Variants in RAPGEF5 observed in about 807,000 individuals in gnomAD.
The protein encoded by RAPGEF5 is M-Ras-regulated GEF.
RAPGEF5 carries 65 observed loss-of-function variants against 125.2 expected under a neutral mutation model. The ratio of observed to expected loss-of-function variants is 0.52; its 90% confidence interval spans 0.43 to 0.64. The LOEUF is 0.64. Among genes scored for constraint, RAPGEF5 ranks in the 30% least tolerant of loss-of-function variants. The probability of loss-of-function intolerance (pLI) is 0.00; values close to 1 mark genes in which losing one functional copy is unlikely to be tolerated. For synonymous variants in RAPGEF5, 391 were observed against 385.9 expected, an observed-to-expected ratio of 1.01 and a Z score of -0.16; for missense variants, 958 against 1,048.1, an observed-to-expected ratio of 0.91 and a Z score of 1.19.
chr7:22,314,707 T>C (rs1783551831), intron 3 of RAPGEF5: 5 of 812,016 alleles, frequency 6.2e-6, no homozygotes, highest in Non-Finnish European at 7.4e-6. Flanking sequence ...TTGGTATCAT[T>C]TGGTGTGGCT....
chr7:22,195,863 C>A (rs1311998742), intron 9 of RAPGEF5, among the ~76,000 whole-genome samples: 1 of 152,212 alleles, frequency 6.6e-6, no homozygotes, highest in South Asian at 2.1e-4. Flanking sequence ...TTTAATCATG[C>A]GCCAATACTC....
chr7:22,222,155 G>A (rs1387856936), intron 8 of RAPGEF5, among the ~76,000 whole-genome samples: 1 of 152,140 alleles, frequency 6.6e-6, no homozygotes, highest in East Asian at 1.9e-4. Context: ...GCTGAGGCAG[G>A]AGAATTGCTT....
intron 11 of RAPGEF5, among the ~76,000 whole-genome samples, chr7:22,188,289 C>T (rs908310818): frequency 3.3e-5 from 5 of 152,114 alleles, no homozygotes; most frequent in African/African-American, 7.2e-5. Flanking sequence ...AGTTCACTTA[C>T]GTTGTCTTCT....
At chr7:22,224,906 T>C (rs1015441115) in intron 8 of RAPGEF5, among the ~76,000 whole-genome samples, 1 of 152,062 alleles carries the variant, frequency 6.6e-6, no homozygotes, top group African/African-American at 2.4e-5. Flanking sequence ...AGAGGAAATT[T>C]AAGGTCTTCA....
intron 1 of RAPGEF5, among the ~76,000 whole-genome samples, chr7:22,321,320 A>C (rs141437690): frequency 6.6e-6 from 1 of 152,242 alleles, no homozygotes; most frequent in Non-Finnish European, 1.5e-5. Flanking sequence ...TAAGTCAGGT[A>C]TATATTAAAA....
intron 3 of RAPGEF5, 30 bp downstream of exon 3, chr7:22,315,340 T>C (rs753763479): frequency 8.5e-6 from 13 of 1,529,498 alleles, no homozygotes; most frequent in Middle Eastern, 1.7e-4. Flanking sequence ...CAAAGAGAAT[T>C]TCTGACAAGG....
rs1440630287 is a variant in RAPGEF5, at chr7:22,119,706, G to C, written c.*2700C>G. On this transcript the variant is annotated 3_prime_UTR_variant, in exon 26 of 26. Coordinates refer to ENST00000665637, the MANE Select transcript of RAPGEF5 (RefSeq NM_012294.5). The surrounding 1 kb of genome is among the most constrained non-coding windows in gnomAD (Gnocchi z 4.1). Reference sequence around the variant, plus strand: ...GCACCACCTGGTGCCGAAGGTGCCAGATTACGTAAGATTTGCAGAGTGAGC... The same window carrying C: ...GCACCACCTGGTGCCGAAGGTGCCACATTACGTAAGATTTGCAGAGTGAGC... The C allele has an allele frequency of 6.6e-6, 1 of 152,214 alleles. No individual in the cohort carries two copies. The highest frequency in any genetic ancestry group is 1.5e-5 in the Non-Finnish European group (1 of 68,048). The allele number at this position is 152,214 out of a possible 1,614,324, so 9.4% of individuals were successfully genotyped here. A position where few individuals can be genotyped will look rare whatever the true frequency, so the allele number is the denominator to read the frequency against.
At chr7:22,327,824 T>C (rs745596943) in intron 1 of RAPGEF5, among the ~76,000 whole-genome samples, 12 of 152,230 alleles carry the variant, frequency 7.9e-5, no homozygotes, top group Non-Finnish European at 1.8e-4. Flanking sequence ...TTTAAAAGAT[T>C]GCTGGGCTCC....
intron 16 of RAPGEF5, among the ~76,000 whole-genome samples, chr7:22,156,047 A>G (rs946578468): frequency 2.0e-5 from 3 of 152,240 alleles, no homozygotes; most frequent in African/African-American, 7.2e-5. Context: ...GCAGCATTAT[A>G]TGCAAACACT....
At chr7:22,199,962 A>G (rs181521110) in intron 9 of RAPGEF5, among the ~76,000 whole-genome samples, 4 of 152,322 alleles carry the variant, frequency 2.6e-5, no homozygotes, top group South Asian at 4.1e-4. Flanking sequence ...AGTCAGGGCT[A>G]TGCTCTGCAC....
intron 15 of RAPGEF5, 45 bp from the exon 16 acceptor site, chr7:22,156,933 C>A (rs370926836): frequency 8.3e-5 from 133 of 1,610,296 alleles, no homozygotes; most frequent in Middle Eastern, 1.7e-4. Context: ...ACATTCCTGC[C>A]CTTTGGAAAA....
intron 7 of RAPGEF5, among the ~76,000 whole-genome samples, chr7:22,255,429 A>C (rs951096120): frequency 1.3e-5 from 2 of 152,116 alleles, no homozygotes; most frequent in African/African-American, 4.8e-5. Context: ...TTTCTACCAA[A>C]AAAAAAATTA....
intron 5 of RAPGEF5, among the ~76,000 whole-genome samples, chr7:22,297,856 C>T (rs1783100004): frequency 6.6e-6 from 1 of 152,150 alleles, no homozygotes; most frequent in Admixed American, 6.5e-5. Context: ...AGCATTTAGT[C>T]TCTTACCATT....
chr7:22,327,833 C>G (rs1351089171), intron 1 of RAPGEF5, among the ~76,000 whole-genome samples: 2 of 152,220 alleles, frequency 1.3e-5, no homozygotes, highest in Non-Finnish European at 2.9e-5. Flanking sequence ...TTGCTGGGCT[C>G]CAACCCATGG....
chr7:22,233,462 ATTTC>A, intron 7 of RAPGEF5, among the ~76,000 whole-genome samples: 1 of 152,270 alleles, frequency 6.6e-6, no homozygotes, highest in African/African-American at 2.4e-5. Context: ...GGGTGTAGGC[ATTTC>A]TTTTTCTTAC....
chr7:22,127,722 C>T (rs1421659388), intron 24 of RAPGEF5, among the ~76,000 whole-genome samples: 1 of 152,214 alleles, frequency 6.6e-6, no homozygotes, highest in Non-Finnish European at 1.5e-5. Flanking sequence ...ACTATACACA[C>T]TGAGCATAGG....
At chr7:22,233,684 C>T (rs1786116691) in intron 7 of RAPGEF5, among the ~76,000 whole-genome samples, 1 of 152,104 alleles carries the variant, frequency 6.6e-6, no homozygotes, top group Admixed American at 6.5e-5. Flanking sequence ...AGGTATGAGC[C>T]ACCTCACCTG....
At chr7:22,227,105 C>T (rs568318715) in intron 8 of RAPGEF5, among the ~76,000 whole-genome samples, 4 of 151,638 alleles carry the variant, frequency 2.6e-5, no homozygotes, top group East Asian at 3.9e-4. Flanking sequence ...ATTCCTTTAA[C>T]GTTCAGACTA....
chr7:22,268,926 G>A (rs1333628715), intron 6 of RAPGEF5, among the ~76,000 whole-genome samples: 1 of 152,124 alleles, frequency 6.6e-6, no homozygotes, highest in African/African-American at 2.4e-5. Flanking sequence ...AGGAAAGAAT[G>A]AGATGAGCGA....
Sources: gnomAD v4.1 joint callset for allele counts (sites outside exome capture counted in the v4.1 genomes callset) on GRCh38, gnomAD v4.1.1 for gene constraint, Gnocchi (gnomAD v3.1) non-coding constraint, MANE v1.5 for transcripts, NCBI Gene and HGNC (gene_info 2026-07-23, HGNC 2026-07-21) for gene names.